Variants in ST7 observed in about 807,000 individuals in gnomAD.
The protein encoded by ST7 is suppressor of tumorigenicity 7 protein.
In ST7, 28 loss-of-function variants were observed where a neutral mutation model predicts 78.7. The observed-to-expected ratio is 0.36, with a 90% CI of 0.26 to 0.49. The LOEUF (loss-of-function observed/expected upper bound fraction) is 0.49, where lower values mean the gene tolerates loss of function less well. Ranked by LOEUF, ST7 falls within the 20% of genes least tolerant of loss-of-function variation. ST7 has a pLI of 0.99. For missense variants in ST7, 418 were observed against 696.0 expected (o/e 0.60, Z 4.49); for synonymous variants, 247 against 249.6 (o/e 0.99, Z 0.10).
intron 12 of ST7, among the ~76,000 whole-genome samples, chr7:117,206,145 G>T (rs1791730913): frequency 6.6e-6 from 1 of 152,106 alleles, no homozygotes; most frequent in Non-Finnish European, 1.5e-5. Context: ...ATTTTGTTTG[G>T]AATTATAAAG....
At chr7:117,148,539 GCTGT>G (rs1173738632) in intron 9 of ST7, among the ~76,000 whole-genome samples, 2 of 152,070 alleles carry the variant, frequency 1.3e-5, no homozygotes, top group South Asian at 2.1e-4. Context: ...GAGCGTGTGT[GCTGT>G]CTTTCATGTT....
At chr7:117,061,303 T>G (rs13222576) in intron 1 of ST7, among the ~76,000 whole-genome samples, 19,470 of 152,138 alleles carry the variant, frequency 0.13, 1,601 homozygotes, top group South Asian at 0.24. Flanking sequence ...TAAGGATTCC[T>G]ACACTAAATG....
intron 2 of ST7, among the ~76,000 whole-genome samples, chr7:117,110,614 T>A (rs1003348921): frequency 5.9e-5 from 9 of 152,222 alleles, no homozygotes; most frequent in Non-Finnish European, 1.5e-5. Context: ...GCCTCTGTGG[T>A]CAGCTGTTTT....
At chr7:117,003,318 GAC>G (rs1194547974) in intron 1 of ST7, among the ~76,000 whole-genome samples, 2 of 151,384 alleles carry the variant, frequency 1.3e-5, no homozygotes, top group Admixed American at 1.3e-4. Flanking sequence ...ATTTTTCTGA[GAC>G]ACAGTCTCAC....
chr7:117,200,992 C>T (rs1326029226), intron 12 of ST7, among the ~76,000 whole-genome samples: 1 of 152,074 alleles, frequency 6.6e-6, no homozygotes, highest in Non-Finnish European at 1.5e-5. Flanking sequence ...CATGCAAACA[C>T]TAAAGCAGTC....
Position 117,194,844 on chromosome 7 carries a change from A to G in ST7, c.1254+3908A>G, listed in dbSNP as rs573373987. Among the ~76,000 whole-genome samples, 4 of 152,244 alleles carry G rather than the reference A, an allele frequency of 2.6e-5. No individual in the cohort carries two copies. The South Asian group carries it at 6.2e-4, about 24-fold the overall frequency. On this transcript the variant is annotated intron_variant, in intron 12 of 15. Transcript: ENST00000323984. ...CATGGGGGAGACATTTCTATCAGTGACCCATCAACTACACAGACCTGGGTT... is the reference window on the plus strand; with the variant it reads ...CATGGGGGAGACATTTCTATCAGTGGCCCATCAACTACACAGACCTGGGTT...
intron 13 of ST7, among the ~76,000 whole-genome samples, chr7:117,213,509 A>G (rs1205363228): frequency 1.3e-5 from 2 of 152,126 alleles, no homozygotes; most frequent in Non-Finnish European, 2.9e-5. Context: ...AACATTAGCC[A>G]TCCTTAATTA....
chr7:117,195,611 A>T (rs1341786889), intron 12 of ST7, among the ~76,000 whole-genome samples: 6 of 152,160 alleles, frequency 3.9e-5, no homozygotes, highest in Non-Finnish European at 7.4e-5. Context: ...TTTTCACATG[A>T]CAGCAGGAAG....
In ST7 at chr7:117,229,826, C is replaced by A. The variant is rs781770060; in HGVS notation, c.1703C>A (p.Ser568Tyr). Residue 568 changes from serine (S) to tyrosine (Y), a missense_variant, in exon 16 of 16, where the codon TCC (serine) becomes TAC (tyrosine). Ser to Tyr is a moderately radical substitution (Grantham distance 144). This residue lies in a region of ST7 where 288 missense variants were observed against 537.1 expected (regional missense o/e 0.54). Transcript: ENST00000323984. Reference sequence around the variant, plus strand: ...GAGAAAGTGGAGAGCATCCTCCCATCCAGTCTGTGGCACCAGCTAACACGG... The same window carrying A: ...GAGAAAGTGGAGAGCATCCTCCCATACAGTCTGTGGCACCAGCTAACACGG... Reference protein sequence around the residue: ...VMEKVESILPSSLWHQLTRI With the variant: ...VMEKVESILPYSLWHQLTRI The A allele has an allele frequency of 2.5e-6, 4 of 1,614,126 alleles. No individual in the cohort carries two copies. Among genetic ancestry groups the A allele is most frequent in the Non-Finnish European group, 3.4e-6 (4 of 1,180,016 alleles).
intron 12 of ST7, among the ~76,000 whole-genome samples, chr7:117,194,774 C>T (rs890687419): frequency 3.9e-5 from 6 of 152,168 alleles, no homozygotes; most frequent in African/African-American, 1.4e-4. Flanking sequence ...GCTGCATGCT[C>T]ACTCTGCTCT....
At chr7:117,083,587 T>C (rs1363735453) in intron 1 of ST7, among the ~76,000 whole-genome samples, 1 of 152,088 alleles carries the variant, frequency 6.6e-6, no homozygotes, top group African/African-American at 2.4e-5. Flanking sequence ...AATAAGAACA[T>C]AGAATAGAAT....
chr7:117,209,694 G>C, intron 12 of ST7, 93 bp from the exon 13 acceptor site: 1 of 1,401,988 alleles, frequency 7.1e-7, no homozygotes, highest in East Asian at 2.5e-5. Context: ...GCTTATAAGT[G>C]GTGGCTTTAG....
At chr7:117,079,968 C>CTTTTTTTTTTTTTTTT (rs34326752) in intron 1 of ST7, among the ~76,000 whole-genome samples, 4 of 65,412 alleles carry the variant, frequency 6.1e-5, no homozygotes, top group African/African-American at 2.2e-4. Flanking sequence ...TTTGTCATTC[C>CTTTTTTTTTTTTTTTT]TTTTTTTTTT....
chr7:117,009,256 TGTTTTTTTTTTTTTG>T (rs1401767211), intron 1 of ST7, among the ~76,000 whole-genome samples: 1 of 27,144 alleles, frequency 3.7e-5, no homozygotes, highest in African/African-American at 1.5e-4. Flanking sequence ...ACTTTTTTTT[TGTTTTTTTTTTTTTG>T]TTTTTGGCCT....
chr7:116,963,701 C>T (rs1057283370), intron 1 of ST7, among the ~76,000 whole-genome samples: 13 of 149,192 alleles, frequency 8.7e-5, no homozygotes, highest in Non-Finnish European at 1.6e-4. Flanking sequence ...GGTGCCATCT[C>T]GGCTCACTGT....
chr7:117,219,778 ACACAAAAGAAAACC>A lies in ST7; in HGVS notation c.1498+604_1498+617del, dbSNP rs1792951504. On this transcript the variant is annotated intron_variant, in intron 14 of 15. Coordinates refer to ENST00000323984, the MANE Select transcript of ST7 (RefSeq NM_001369598.1). This position sits in a 1 kb window ranked among gnomAD's most constrained non-coding sequence, Gnocchi z 5.1. ...TGTAGCCTCAGCACTGTATGAAAGC[ACACAAAAGAAAACC>A]CTGCCCTCGACTACCTTACACTTGC... 4.6e-5 allele frequency among the ~76,000 whole-genome samples: 7 copies of A among 152,232 alleles called. No individual in the cohort carries two copies. The highest frequency in any genetic ancestry group is 4.6e-4 in the Admixed American group (7 of 15,280).
chr7:117,228,703 T>C (rs1793598478), intron 15 of ST7, among the ~76,000 whole-genome samples: 1 of 152,204 alleles, frequency 6.6e-6, no homozygotes, highest in Non-Finnish European at 1.5e-5. Flanking sequence ...CTTTATTAAA[T>C]ATACTAAATT....
rs1563082665 is a variant in ST7, at chr7:117,102,429, C to A, written c.234+2585C>A. On this transcript the variant is annotated intron_variant, in intron 2 of 15. Coordinates refer to ENST00000323984, the MANE Select transcript of ST7 (RefSeq NM_001369598.1). ...AGAGAAAGGCTTTAGATAATCTCTT[C>A]AATCTAGGGGATTGAGGGCAGAGGA... Among the ~76,000 whole-genome samples, 4 of 152,196 alleles carry A rather than the reference C, an allele frequency of 2.6e-5. No individual in the cohort carries two copies. The East Asian group carries it at 7.7e-4, about 29-fold the overall frequency.
chr7:117,044,035 C>T (rs1316598008), intron 1 of ST7, among the ~76,000 whole-genome samples: 1 of 152,200 alleles, frequency 6.6e-6, no homozygotes, highest in Non-Finnish European at 1.5e-5. Flanking sequence ...ACCACTCTGC[C>T]TCTTGTCATT....
Sources: allele counts gnomAD v4.1 joint callset (sites outside exome capture counted in the v4.1 genomes callset), GRCh38; gene constraint gnomAD v4.1.1; regional missense constraint gnomAD v4.1.1; non-coding constraint Gnocchi (gnomAD v3.1); transcripts MANE v1.5; gene names NCBI Gene and HGNC (gene_info 2026-07-23, HGNC 2026-07-21).